The following RIMBP2 variants were observed in gnomAD, a reference collection of about 807,000 sequenced individuals.
RIMBP2 encodes RIMS binding protein 2, also known as RIMS-binding protein 2.
In RIMBP2, 48 loss-of-function variants were observed where a neutral mutation model predicts 118.6. That is an observed-to-expected ratio of 0.40 (90% CI 0.32 to 0.51). The LOEUF is 0.51. Among genes scored for constraint, RIMBP2 ranks in the 20% least tolerant of loss-of-function variants. The probability of loss-of-function intolerance (pLI) is 0.41; values close to 1 mark genes in which losing one functional copy is unlikely to be tolerated. For missense variants in RIMBP2, 1,551 were observed against 1,768.3 expected (o/e 0.88, Z 2.20); for synonymous variants, 762 against 742.9 (o/e 1.03, Z -0.42).
chr12:130,496,169 G>A (rs950007675), intron 4 of RIMBP2, among the ~76,000 whole-genome samples: 3 of 152,208 alleles, frequency 2.0e-5, no homozygotes, highest in Non-Finnish European at 4.4e-5. Flanking sequence ...GAGGGACCTG[G>A]TGGGAGATAA....
At chr12:130,631,327 T>C (rs2061981268) in intron 1 of RIMBP2, among the ~76,000 whole-genome samples, 1 of 152,228 alleles carries the variant, frequency 6.6e-6, no homozygotes, top group Non-Finnish European at 1.5e-5. Flanking sequence ...CAACTAAGTA[T>C]TCACTTAAAT....
chr12:130,693,787 C>T (rs1275791208), intron 1 of RIMBP2, among the ~76,000 whole-genome samples: 1 of 152,182 alleles, frequency 6.6e-6, no homozygotes, highest in Non-Finnish European at 1.5e-5. Context: ...CCAAGAAGGC[C>T]CTTTAATTGC....
At chr12:130,574,592 C>T (rs2057945320) in intron 2 of RIMBP2, among the ~76,000 whole-genome samples, 1 of 152,188 alleles carries the variant, frequency 6.6e-6, no homozygotes, top group Non-Finnish European at 1.5e-5. Context: ...GCAGCTTCCC[C>T]TTTCTGGTCT....
At chr12:130,711,960 G>C (rs2136897331) in intron 1 of RIMBP2, among the ~76,000 whole-genome samples, 1 of 152,356 alleles carries the variant, frequency 6.6e-6, no homozygotes, top group African/African-American at 2.4e-5. Context: ...ACTGAGTACT[G>C]TAGGCCACTG....
intron 2 of RIMBP2, among the ~76,000 whole-genome samples, chr12:130,566,377 G>C (rs1454113382): frequency 3.3e-5 from 5 of 152,192 alleles, no homozygotes; most frequent in Non-Finnish European, 7.3e-5. Flanking sequence ...TAAGGAGGCG[G>C]AGATTAACTT....
chr12:130,499,036 G>C (rs1186460926), intron 4 of RIMBP2, among the ~76,000 whole-genome samples: 2 of 152,202 alleles, frequency 1.3e-5, no homozygotes, highest in Admixed American at 1.3e-4. Flanking sequence ...GGCATGGCTG[G>C]GGAAACCTCA....
intron 7 of RIMBP2, among the ~76,000 whole-genome samples, chr12:130,454,012 C>T (rs1566066689): frequency 6.6e-6 from 1 of 152,166 alleles, no homozygotes; most frequent in Non-Finnish European, 1.5e-5. Context: ...CGAGATCACA[C>T]CATTGCACTC....
rs190634221 is a variant in RIMBP2, at chr12:130,467,505, T to C, written c.153+3188A>G. ...CAGCACTCCCAACTCACTGGCCCCCTAGCCACCACATTATCCTTAAAAACT... is the reference window on the plus strand; with the variant it reads ...CAGCACTCCCAACTCACTGGCCCCCCAGCCACCACATTATCCTTAAAAACT... On this transcript the variant is annotated intron_variant, in intron 6 of 22. Coordinates refer to ENST00000690449, the MANE Select transcript of RIMBP2 (RefSeq NM_001393629.1). Among the ~76,000 whole-genome samples the C allele has an allele frequency of 6.9e-3, 1,045 of 152,314 alleles. 15 individuals are homozygous for C. Among genetic ancestry groups the C allele is most frequent in the African/African-American group, 0.024 (1,004 of 41,564 alleles).
intron 1 of RIMBP2, among the ~76,000 whole-genome samples, chr12:130,680,554 A>C (rs1385549047): frequency 6.6e-6 from 1 of 152,128 alleles, no homozygotes; most frequent in Non-Finnish European, 1.5e-5. Context: ...CAAATAACAC[A>C]AGACACCGAC....
intron 1 of RIMBP2, among the ~76,000 whole-genome samples, chr12:130,698,510 C>A (rs998442665): frequency 8.0e-4 from 122 of 152,286 alleles, no homozygotes; most frequent in Non-Finnish European, 1.3e-3. Context: ...AATCCCAGCA[C>A]TTTGGGAGGC....
chr12:130,400,260 C>T (rs781012939), intron 21 of RIMBP2, among the ~76,000 whole-genome samples: 6 of 152,198 alleles, frequency 3.9e-5, no homozygotes, highest in Non-Finnish European at 2.9e-5. Context: ...TGCCAGCAAG[C>T]TTGAGCGCTA....
intron 2 of RIMBP2, among the ~76,000 whole-genome samples, chr12:130,588,536 TTC>T (rs1420209348): frequency 8.5e-5 from 13 of 152,184 alleles, no homozygotes; most frequent in Non-Finnish European, 1.9e-4. Context: ...GACCTATTCT[TTC>T]TGCACGAGCT....
At chr12:130,669,482 C>T (rs577164240) in intron 1 of RIMBP2, among the ~76,000 whole-genome samples, 125 of 152,166 alleles carry the variant, frequency 8.2e-4, no homozygotes, top group African/African-American at 2.9e-3. Context: ...GCTGTTCTCG[C>T]GAGAGTGAGG....
At chr12:130,566,978 T>C (rs2057267868) in intron 2 of RIMBP2, among the ~76,000 whole-genome samples, 1 of 152,088 alleles carries the variant, frequency 6.6e-6, no homozygotes, top group Admixed American at 6.5e-5. Context: ...TAGGGTGGGC[T>C]TAAATGCACA....
At chr12:130,549,105 G>A (rs1313894303) in intron 2 of RIMBP2, among the ~76,000 whole-genome samples, 1 of 152,070 alleles carries the variant, frequency 6.6e-6, no homozygotes, top group Admixed American at 6.5e-5. Context: ...GCAGACATAG[G>A]GGATTTTATT....
Position 130,622,157 on chromosome 12 carries a change from G to A in RIMBP2, c.-217+6165C>T, listed in dbSNP as rs2061356621. 6.6e-6 allele frequency among the ~76,000 whole-genome samples: 1 copy of A among 152,140 alleles called. No individual in the cohort carries two copies. ...GTCTTGGGGTCCTGACCAAAAATGAGCCCTGAGAACTTGCAGGCCTGTTTG... is the reference window on the plus strand; with the variant it reads ...GTCTTGGGGTCCTGACCAAAAATGAACCCTGAGAACTTGCAGGCCTGTTTG... On this transcript the variant is annotated intron_variant, in intron 2 of 22. Transcript: ENST00000690449. This position sits in a 1 kb window ranked among gnomAD's most constrained non-coding sequence, Gnocchi z 8.5.
Position 130,474,277 on chromosome 12 carries a change from T to TTCCC in RIMBP2, c.103-3538_103-3535dup, listed in dbSNP as rs558150898. Among the ~76,000 whole-genome samples the TTCCC allele has an allele frequency of 5.3e-3, 813 of 152,306 alleles. 3 individuals are homozygous for TTCCC. Among genetic ancestry groups the TTCCC allele is most frequent in the Non-Finnish European group, 7.6e-3 (514 of 68,030 alleles). On this transcript the variant is annotated intron_variant, in intron 5 of 22. Transcript: ENST00000690449. ...TACACGAGGGCTGACTATTCATTGA[T>TTCCC]TCCCTCCACAGGCATTTACTGAATG... is the stretch of plus-strand genomic sequence containing the variant.
chr12:130,456,705 A>G lies in RIMBP2; in HGVS notation c.154-5T>C, dbSNP rs1459221029. Reference sequence around the variant, plus strand: ...TTCCAGCTCTCGAACCTTGGACTGCACGGCAGAAGCAGGACAGGGGGTCAG... The same window carrying G: ...TTCCAGCTCTCGAACCTTGGACTGCGCGGCAGAAGCAGGACAGGGGGTCAG... On this transcript the variant is annotated splice_polypyrimidine_tract_variant and splice_region_variant and intron_variant, in intron 6 of 22. Transcript: ENST00000690449. The G allele has an allele frequency of 1.3e-6, 2 of 1,596,330 alleles. No homozygotes were observed. The highest frequency in any genetic ancestry group is 1.7e-6 in the Non-Finnish European group (2 of 1,167,576).
At position 130,542,157 on chromosome 12, in the gene RIMBP2, G is replaced by A. The variant is rs1026620988; in HGVS notation, c.-216-24240C>T. On this transcript the variant is annotated intron_variant, in intron 2 of 22. Coordinates refer to ENST00000690449, the MANE Select transcript of RIMBP2 (RefSeq NM_001393629.1). ...ACAAGATGAAGTAAGCACAAAGAGA[G>A]AGGGGAAAGGATGCTGGCTAGGAAA... Among the ~76,000 whole-genome samples the A allele has an allele frequency of 1.3e-4, 20 of 152,352 alleles. No individual in the cohort carries two copies. The East Asian group carries it at 2.3e-3, about 18-fold the overall frequency.
Sources: allele counts gnomAD v4.1 joint callset (sites outside exome capture counted in the v4.1 genomes callset), GRCh38; gene constraint gnomAD v4.1.1; non-coding constraint Gnocchi (gnomAD v3.1); transcripts MANE v1.5; gene names NCBI Gene and HGNC (gene_info 2026-07-23, HGNC 2026-07-21).